The following TDRD12 variants were observed in gnomAD, a reference collection of about 807,000 sequenced individuals.
TDRD12 encodes putative ATP-dependent RNA helicase TDRD12.
Under a neutral mutation model 133.5 loss-of-function variants are expected in TDRD12, and 158 were observed. The observed-to-expected ratio is 1.18, with a 90% CI of 1.04 to 1.35. The LOEUF (loss-of-function observed/expected upper bound fraction) is 1.35, where lower values mean the gene tolerates loss of function less well. TDRD12 is among the 40% of genes most tolerant of loss of function. The pLI is 0.00. For missense variants in TDRD12, 1,443 were observed against 1,321.3 expected, an observed-to-expected ratio of 1.09 and a Z score of -1.43; for synonymous variants, 460 against 477.9, an observed-to-expected ratio of 0.96 and a Z score of 0.49.
At chr19:32,722,814 G>A (rs1968729696) in intron 1 of TDRD12, among the ~76,000 whole-genome samples, 1 of 151,714 alleles carries the variant, frequency 6.6e-6, no homozygotes, top group Non-Finnish European at 1.5e-5. Context: ...TGAGTAGCTG[G>A]GATTACAGGC....
At chr19:32,793,671 T>A (rs561725545) in intron 13 of TDRD12, among the ~76,000 whole-genome samples, 1 of 152,328 alleles carries the variant, frequency 6.6e-6, no homozygotes, top group African/African-American at 2.4e-5. Context: ...GTGAAGCTGA[T>A]GGACTGGCAG....
chr19:32,811,584 G>A (rs1457164349), intron 24 of TDRD12, among the ~76,000 whole-genome samples, 164 bp downstream of exon 24: 3 of 152,142 alleles, frequency 2.0e-5, no homozygotes, highest in African/African-American at 7.2e-5. Flanking sequence ...CTGAACCCTC[G>A]GAGAGGTACC....
At chr19:32,802,974 C>T (rs907267117) in exon 21 of TDRD12, 17 of 1,535,970 alleles carry the variant, frequency 1.1e-5, no homozygotes, top group Admixed American at 3.9e-5. Context: ...TTGCTGCTGA[C>T]GGAGAAAGAT....
At chr19:32,787,735 G>A (rs1970950574) in intron 11 of TDRD12, among the ~76,000 whole-genome samples, 1 of 152,214 alleles carries the variant, frequency 6.6e-6, no homozygotes, top group African/African-American at 2.4e-5. Flanking sequence ...TGTGGGCGTG[G>A]GACCCGCCGA....
exon 18 of TDRD12, chr19:32,800,655 T>G: frequency 1.3e-6 from 2 of 1,535,184 alleles, no homozygotes; most frequent in Non-Finnish European, 1.7e-6. Context: ...TAGTACATCT[T>G]TGCCTAGAAT....
chr19:32,816,407 T>G (rs1438630808), intron 26 of TDRD12, among the ~76,000 whole-genome samples: 1 of 152,160 alleles, frequency 6.6e-6, no homozygotes, highest in African/African-American at 2.4e-5. Flanking sequence ...TGAAAGGAAT[T>G]AGACAGTATG....
At chr19:32,770,776 C>T (rs1032458821) in intron 8 of TDRD12, among the ~76,000 whole-genome samples, 3 of 152,242 alleles carry the variant, frequency 2.0e-5, no homozygotes, top group Admixed American at 6.5e-5. Context: ...AATTCAATAA[C>T]GCACATGGTA....
intron 1 of TDRD12, among the ~76,000 whole-genome samples, chr19:32,721,973 C>T (rs1190916320): frequency 1.3e-5 from 2 of 151,856 alleles, no homozygotes; most frequent in Non-Finnish European, 2.9e-5. Context: ...GCCTCGGCTT[C>T]CCAAAGTGCT....
chr19:32,782,348 T>G (rs2145635266), intron 11 of TDRD12, among the ~76,000 whole-genome samples: 1 of 152,348 alleles, frequency 6.6e-6, no homozygotes, highest in East Asian at 1.9e-4. Flanking sequence ...TGCCACATTT[T>G]CTTAATCCAG....
rs1599854488 is a variant in TDRD12, at chr19:32,748,679, G to T, written c.496+148G>T. The T allele has an allele frequency of 2.8e-5, 19 of 673,650 alleles. 1 individual carries two copies. The East Asian group carries it at 5.3e-4, about 19-fold the overall frequency. 41.7% of individuals were successfully genotyped at this position (673,650 alleles called of 1,614,324 possible). A position where few individuals can be genotyped will look rare whatever the true frequency, so the allele number is the denominator to read the frequency against. Reference sequence around the variant, plus strand: ...CCTAAGCTACCTGGGGCTTCCTCCAGCTCAAGTGCCACAGTAACTCTGCAC... The same window carrying T: ...CCTAAGCTACCTGGGGCTTCCTCCATCTCAAGTGCCACAGTAACTCTGCAC... On this transcript the variant is annotated intron_variant, in intron 5 of 27. Transcript: ENST00000444215.
intron 26 of TDRD12, 35 bp downstream of exon 26, chr19:32,815,655 G>GT: frequency 6.6e-7 from 1 of 1,511,198 alleles, no homozygotes; most frequent in Non-Finnish European, 8.8e-7. Context: ...TGGAAGAGTT[G>GT]TTTTTTGGAA....
chr19:32,816,904 G>A (rs1040036137), intron 26 of TDRD12, among the ~76,000 whole-genome samples: 1 of 152,184 alleles, frequency 6.6e-6, no homozygotes, highest in African/African-American at 2.4e-5. Context: ...AGAAGGTGCT[G>A]GAACTCCTGA....
At chr19:32,753,469 T>C (rs938423169) in intron 6 of TDRD12, among the ~76,000 whole-genome samples, 2 of 151,914 alleles carry the variant, frequency 1.3e-5, no homozygotes, top group Non-Finnish European at 2.9e-5. Flanking sequence ...TCTCAAGTAG[T>C]TGGGACTATA....
intron 2 of TDRD12, among the ~76,000 whole-genome samples, chr19:32,735,309 T>G (rs1450035688): frequency 6.6e-6 from 1 of 151,992 alleles, no homozygotes; most frequent in Non-Finnish European, 1.5e-5. Flanking sequence ...GCCTTATTGG[T>G]AATATGGAGA....
chr19:32,804,440 T>A (rs2145709349), intron 21 of TDRD12, among the ~76,000 whole-genome samples: 1 of 147,858 alleles, frequency 6.8e-6, no homozygotes, highest in Admixed American at 6.7e-5. Flanking sequence ...ACACCTGTAA[T>A]CCCAGCACTT....
chr19:32,741,543 G>A (rs1322628400), intron 3 of TDRD12, among the ~76,000 whole-genome samples: 1 of 152,190 alleles, frequency 6.6e-6, no homozygotes, highest in Non-Finnish European at 1.5e-5. Context: ...AACTGTTTGG[G>A]GAGCTTTTGT....
chr19:32,755,204 C>G (rs1407627116), intron 6 of TDRD12, among the ~76,000 whole-genome samples: 1 of 152,238 alleles, frequency 6.6e-6, no homozygotes, highest in Non-Finnish European at 1.5e-5. Context: ...AGGCCCCTTA[C>G]AGATATTTAT....
At chr19:32,783,070 TTTC>T (rs1245094325) in intron 11 of TDRD12, among the ~76,000 whole-genome samples, 2 of 152,218 alleles carry the variant, frequency 1.3e-5, no homozygotes, top group Non-Finnish European at 2.9e-5. Context: ...TTGCCCTGGT[TTTC>T]TTCTAGGATT....
At chr19:32,762,924 G>A (rs1402116430) in intron 8 of TDRD12, among the ~76,000 whole-genome samples, 1 of 152,156 alleles carries the variant, frequency 6.6e-6, no homozygotes, top group East Asian at 1.9e-4. Context: ...TGGCTCCTAG[G>A]CCACAAACCT....
Sources: allele counts gnomAD v4.1 joint callset (sites outside exome capture counted in the v4.1 genomes callset), GRCh38; gene constraint gnomAD v4.1.1; transcripts MANE v1.5; gene names NCBI Gene and HGNC (gene_info 2026-07-23, HGNC 2026-07-21).